Variants in FANCB observed in about 807,000 individuals in gnomAD.
FANCB encodes the protein Fanconi anemia group B protein.
FANCB carries 5 observed loss-of-function variants against 38.9 expected under a neutral mutation model. The ratio of observed to expected loss-of-function variants is 0.13; its 90% CI spans 0.07 to 0.27. The LOEUF (loss-of-function observed/expected upper bound fraction) is 0.27, where lower values mean the gene tolerates loss of function less well. Among genes scored for constraint, FANCB ranks in the 10% least tolerant of loss-of-function variants. The pLI, the probability that FANCB is intolerant of heterozygous loss-of-function variation, is 1.00. For missense variants in FANCB, 573 were observed against 602.7 expected, an observed-to-expected ratio of 0.95 and a Z score of 0.52; for synonymous variants, 236 against 215.4, an observed-to-expected ratio of 1.10 and a Z score of -0.84.
At chrX:14,707,843 G>A in the FANCB span, among the ~76,000 whole-genome samples, 950 of 110,474 alleles carry the variant, frequency 8.6e-3, 21 homozygotes, top group Admixed American at 0.084. Flanking sequence ...AGGTATAATT[G>A]ACAATTAGAA....
the FANCB span, among the ~76,000 whole-genome samples, chrX:14,823,314 C>T: frequency 4.5e-5 from 5 of 110,701 alleles, no homozygotes; most frequent in African/African-American, 1.3e-4. Context: ...AATCCCTTGA[C>T]CTCGTGATCC....
chrX:14,813,446 C>G, the FANCB span, among the ~76,000 whole-genome samples: 1 of 111,725 alleles, frequency 9.0e-6, no homozygotes, highest in Admixed American at 9.5e-5. Context: ...TCTCCTTAAG[C>G]TGATAGGCAG....
the FANCB span, among the ~76,000 whole-genome samples, chrX:14,706,632 G>T: frequency 9.0e-6 from 1 of 111,423 alleles, no homozygotes; most frequent in Non-Finnish European, 1.9e-5. Context: ...GGTATTAGGA[G>T]CCAAATGGGA....
chrX:14,843,376 T>G (rs2092360859), downstream of FANCB: 1 of 394,767 alleles, frequency 2.5e-6, no homozygotes, highest in South Asian at 4.7e-5. Flanking sequence ...CCCCTTGGGG[T>G]AGAGGAGAGG....
downstream of FANCB, among the ~76,000 whole-genome samples, chrX:14,842,638 C>T (rs1414390021): frequency 8.9e-6 from 1 of 112,082 alleles, no homozygotes; most frequent in Non-Finnish European, 1.9e-5. Flanking sequence ...CACTTCTTAA[C>T]TGAAGTGAAT....
chrX:14,714,313 C>T, the FANCB span, among the ~76,000 whole-genome samples: 3 of 111,214 alleles, frequency 2.7e-5, no homozygotes, highest in Non-Finnish European at 5.7e-5. Context: ...CGGGGTGCTA[C>T]TGGCATCTAG....
At chrX:14,828,856 T>C in the FANCB span, among the ~76,000 whole-genome samples, 5 of 111,179 alleles carry the variant, frequency 4.5e-5, no homozygotes, top group African/African-American at 1.6e-4. Context: ...GGACCACAGA[T>C]GTGCACCATC....
chrX:14,758,839 A>G, the FANCB span, among the ~76,000 whole-genome samples: 1 of 111,845 alleles, frequency 8.9e-6, no homozygotes, highest in Non-Finnish European at 1.9e-5. Context: ...CCAAAAGATC[A>G]TACTAGCTCA....
At chrX:14,786,111 G>A in the FANCB span, among the ~76,000 whole-genome samples, 1 of 111,537 alleles carries the variant, frequency 9.0e-6, no homozygotes, top group Non-Finnish European at 1.9e-5. Flanking sequence ...CTTGAAGCAA[G>A]GGGGCTGGGC....
chrX:14,858,112 C>T (rs770659967), intron 4 of FANCB, among the ~76,000 whole-genome samples, 158 bp from the exon 5 acceptor site: 1 of 111,822 alleles, frequency 8.9e-6, no homozygotes, highest in Non-Finnish European at 1.9e-5. Context: ...AAACTATAGG[C>T]CAGATGCAGT....
chrX:14,755,780 T>A, the FANCB span, among the ~76,000 whole-genome samples: 3 of 110,713 alleles, frequency 2.7e-5, no homozygotes, highest in African/African-American at 9.8e-5. Context: ...ATGACATTAT[T>A]CACAGAAATA....
chrX:14,711,360 C>T, the FANCB span, among the ~76,000 whole-genome samples: 2 of 112,371 alleles, frequency 1.8e-5, no homozygotes, highest in Non-Finnish European at 3.8e-5. Context: ...ATGAGATTCT[C>T]TCTTTCAAGA....
chrX:14,813,109 T>C, the FANCB span, among the ~76,000 whole-genome samples: 6 of 106,834 alleles, frequency 5.6e-5, no homozygotes, highest in South Asian at 2.5e-3. Flanking sequence ...TTGACAAAAT[T>C]CAACAACCCT....
At chrX:14,736,183 G>A in the FANCB span, among the ~76,000 whole-genome samples, 5 of 110,966 alleles carry the variant, frequency 4.5e-5, no homozygotes, top group Non-Finnish European at 9.5e-5. Flanking sequence ...CGTGGGGGTG[G>A]AATCTGCTGA....
the FANCB span, among the ~76,000 whole-genome samples, chrX:14,782,708 A>T: frequency 8.9e-6 from 1 of 112,077 alleles, no homozygotes; most frequent in Non-Finnish European, 1.9e-5. Context: ...GAGCCAGGAG[A>T]TGGTAAGAAG....
the FANCB span, among the ~76,000 whole-genome samples, chrX:14,713,425 C>G: frequency 1.8e-5 from 2 of 112,029 alleles, no homozygotes; most frequent in African/African-American, 6.5e-5. Context: ...TTTCCATATG[C>G]AAGGCATTGC....
chrX:14,753,678 A>T, the FANCB span, among the ~76,000 whole-genome samples: 1 of 111,097 alleles, frequency 9.0e-6, no homozygotes, highest in Non-Finnish European at 1.9e-5. Context: ...GGTAGTGATT[A>T]CCGAGTTCCC....
At chrX:14,805,395 A>G in the FANCB span, among the ~76,000 whole-genome samples, 2 of 111,082 alleles carry the variant, frequency 1.8e-5, no homozygotes, top group African/African-American at 6.6e-5. Flanking sequence ...TCACACTGGC[A>G]CCTCAAACTA....
chrX:14,769,107 G>A, the FANCB span, among the ~76,000 whole-genome samples: 2 of 111,185 alleles, frequency 1.8e-5, no homozygotes, highest in African/African-American at 6.5e-5. Flanking sequence ...CAAGGATATT[G>A]GCCTGAAGTT....
Sources: gnomAD v4.1 joint callset for allele counts (sites outside exome capture counted in the v4.1 genomes callset) on GRCh38, gnomAD v4.1.1 for gene constraint, MANE v1.5 for transcripts, NCBI Gene and HGNC (gene_info 2026-07-23, HGNC 2026-07-21) for gene names.